The following ATP8B4 variants were observed in gnomAD, a reference collection of about 807,000 sequenced individuals.
ATP8B4 encodes the protein ATPase phospholipid transporting 8B4 (putative), also known as probable phospholipid-transporting ATPase IM.
Under a neutral mutation model 145.6 loss-of-function variants are expected in ATP8B4, and 133 were observed. That is an observed-to-expected ratio of 0.91 (90% CI 0.79 to 1.05). The LOEUF (loss-of-function observed/expected upper bound fraction) is 1.05. Ranked by LOEUF, ATP8B4 falls within the 50% of genes least tolerant of loss-of-function variation. The pLI, the probability that ATP8B4 is intolerant of heterozygous loss-of-function variation, is 0.00. For synonymous variants in ATP8B4, 507 were observed against 492.9 expected, an observed-to-expected ratio of 1.03 and a Z score of -0.38; for missense variants, 1,458 against 1,425.2, an observed-to-expected ratio of 1.02 and a Z score of -0.37.
At chr15:49,884,206 C>T (rs1219317190) in intron 23 of ATP8B4, among the ~76,000 whole-genome samples, 1 of 151,942 alleles carries the variant, frequency 6.6e-6, no homozygotes, top group Non-Finnish European at 1.5e-5. Flanking sequence ...TTGAGAACGC[C>T]AGCCAAGCAA....
chr15:49,871,207 C>G (rs1382085599), intron 25 of ATP8B4, among the ~76,000 whole-genome samples: 1 of 152,210 alleles, frequency 6.6e-6, no homozygotes, highest in Non-Finnish European at 1.5e-5. Context: ...ACTTACATTT[C>G]ATAGGACCAT....
chr15:49,945,828 A>T (rs565982375), intron 14 of ATP8B4, among the ~76,000 whole-genome samples: 1 of 152,294 alleles, frequency 6.6e-6, no homozygotes, highest in South Asian at 2.1e-4. Context: ...CTCAACAAAA[A>T]AGAAACAGCA....
At chr15:49,915,170 A>G (rs990983465) in intron 20 of ATP8B4, among the ~76,000 whole-genome samples, 1 of 152,160 alleles carries the variant, frequency 6.6e-6, no homozygotes, top group Admixed American at 6.5e-5. Flanking sequence ...AGCAACATGA[A>G]TGGAACCACG....
At chr15:49,967,011 G>A (rs936859836) in intron 13 of ATP8B4, among the ~76,000 whole-genome samples, 4 of 152,198 alleles carry the variant, frequency 2.6e-5, no homozygotes, top group Non-Finnish European at 5.9e-5. Flanking sequence ...AACTCCAGCA[G>A]ACCTGCAGCT....
At chr15:50,063,186 T>C (rs566057915) in intron 3 of ATP8B4, among the ~76,000 whole-genome samples, 23 of 151,984 alleles carry the variant, frequency 1.5e-4, no homozygotes, top group African/African-American at 5.1e-4. Context: ...ATTATAGAAA[T>C]TGGAACTAGC....
intron 6 of ATP8B4, among the ~76,000 whole-genome samples, chr15:50,034,069 G>A (rs181524033): frequency 2.0e-5 from 3 of 152,038 alleles, no homozygotes; most frequent in Non-Finnish European, 4.4e-5. Flanking sequence ...TTTCCACTGG[G>A]TGTATATCCA....
intron 13 of ATP8B4, among the ~76,000 whole-genome samples, chr15:49,964,070 A>G (rs1184930907): frequency 2.0e-5 from 3 of 152,224 alleles, no homozygotes; most frequent in Non-Finnish European, 4.4e-5. Context: ...AAGTAAGCAT[A>G]GTGGGTTTTT....
chr15:50,086,085 A>G (rs2055014491), intron 2 of ATP8B4, among the ~76,000 whole-genome samples: 1 of 113,670 alleles, frequency 8.8e-6, no homozygotes, highest in Non-Finnish European at 1.6e-5. Flanking sequence ...ATATAGAACT[A>G]TACTTATTAT....
At chr15:49,863,648 C>T (rs2032258490) in intron 26 of ATP8B4, among the ~76,000 whole-genome samples, 2 of 152,120 alleles carry the variant, frequency 1.3e-5, no homozygotes, top group African/African-American at 2.4e-5. Context: ...AATCTGCCTA[C>T]CCAAGAGCAG....
chr15:50,120,688 A>T (rs372506497), upstream of ATP8B4, among the ~76,000 whole-genome samples: 24 of 152,344 alleles, frequency 1.6e-4, no homozygotes, highest in South Asian at 4.8e-3. Context: ...TATGTTAATT[A>T]TAGCACTATG....
chr15:49,956,839 CT>C (rs2043610840), intron 14 of ATP8B4, among the ~76,000 whole-genome samples: 1 of 152,184 alleles, frequency 6.6e-6, no homozygotes, highest in Non-Finnish European at 1.5e-5. Context: ...AGCCACCACA[CT>C]TGGCCTGAAT....
In ATP8B4 at chr15:49,960,333, A is replaced by G. The variant is rs551798445; in HGVS notation, c.1287+1644T>C. Among the ~76,000 whole-genome samples, 4 of 152,164 alleles carry G rather than the reference A, an allele frequency of 2.6e-5. No individual in the cohort carries two copies. The East Asian group carries it at 7.7e-4, about 29-fold the overall frequency. ...TGAGCCACCACGCCCAGCCTTTGTC[A>G]ATAATTAAAACAGTATGATGCTAAC... On this transcript the variant is annotated intron_variant, in intron 14 of 27. Transcript: ENST00000284509.
At chr15:50,026,385 A>T (rs1251581767) in intron 6 of ATP8B4, among the ~76,000 whole-genome samples, 1 of 152,146 alleles carries the variant, frequency 6.6e-6, no homozygotes, top group African/African-American at 2.4e-5. Flanking sequence ...TCCCAGACCC[A>T]AAAAGTTTGA....
At chr15:50,181,257 A>C (rs1406620366) in intron 1 of ATP8B4, among the ~76,000 whole-genome samples, 1 of 152,184 alleles carries the variant, frequency 6.6e-6, no homozygotes, top group Non-Finnish European at 1.5e-5. Flanking sequence ...ATAAAACACT[A>C]CTTAGATCCT....
chr15:50,033,765 C>T (rs2050623598), intron 6 of ATP8B4, among the ~76,000 whole-genome samples: 1 of 152,078 alleles, frequency 6.6e-6, no homozygotes, highest in Non-Finnish European at 1.5e-5. Flanking sequence ...TCTTTATATC[C>T]TTGTGTACTC....
chr15:49,901,273 A>T (rs1401306266), intron 20 of ATP8B4, 34 bp from the exon 21 acceptor site: 2 of 1,603,008 alleles, frequency 1.2e-6, no homozygotes, highest in African/African-American at 1.3e-5. Context: ...AAACATAACA[A>T]AGCATACAGA....
At chr15:49,944,943 A>G (rs1007853778) in intron 14 of ATP8B4, among the ~76,000 whole-genome samples, 29 of 152,320 alleles carry the variant, frequency 1.9e-4, no homozygotes, top group African/African-American at 5.8e-4. Flanking sequence ...TGGAAATTAA[A>G]TAGTATTCTT....
intron 2 of ATP8B4, among the ~76,000 whole-genome samples, chr15:50,091,269 G>C (rs2055594234): frequency 6.6e-6 from 1 of 152,158 alleles, no homozygotes; most frequent in Non-Finnish European, 1.5e-5. Context: ...TACAGTGACA[G>C]ATAACATTCA....
chr15:50,112,691 G>A (rs1337529768), intron 1 of ATP8B4, among the ~76,000 whole-genome samples: 1 of 151,986 alleles, frequency 6.6e-6, no homozygotes, highest in Non-Finnish European at 1.5e-5. Flanking sequence ...CTGTAAAGTG[G>A]AGATGGGAAT....
Sources: gnomAD v4.1 joint callset for allele counts (sites outside exome capture counted in the v4.1 genomes callset) on GRCh38, gnomAD v4.1.1 for gene constraint, MANE v1.5 for transcripts, NCBI Gene and HGNC (gene_info 2026-07-23, HGNC 2026-07-21) for gene names.